HECW1: variants seen among roughly 807,000 people sequenced by gnomAD.
HECW1 encodes HECT, C2 and WW domain containing E3 ubiquitin protein ligase 1.
In HECW1, 61 loss-of-function variants were observed where a neutral mutation model predicts 182.3. The ratio of observed to expected loss-of-function variants is 0.33; its 90% CI spans 0.27 to 0.41. The LOEUF is 0.41. Among genes scored for constraint, HECW1 ranks in the 10% least tolerant of loss-of-function variants. HECW1 has a pLI of 1.00. For missense variants in HECW1, 1,739 were observed against 2,108.9 expected, an observed-to-expected ratio of 0.82 and a Z score of 3.44; for synonymous variants, 859 against 832.6, an observed-to-expected ratio of 1.03 and a Z score of -0.55.
chr7:43,117,477 G>A (rs1043217536), intron 2 of HECW1, among the ~76,000 whole-genome samples: 1 of 143,346 alleles, frequency 7.0e-6, no homozygotes, highest in Non-Finnish European at 1.5e-5. Context: ...TCCTTACTCA[G>A]CTCAATCTTT....
Position 43,507,125 on chromosome 7 carries a change from TTC to T in HECW1, c.3632-6_3632-5del. The T allele has an allele frequency of 6.2e-7, 1 of 1,612,216 alleles. No homozygotes were observed. The highest frequency in any genetic ancestry group is 1.3e-5 in the African/African-American group (1 of 74,886). On this transcript the variant is annotated splice_polypyrimidine_tract_variant and intron_variant, in intron 21 of 29. Coordinates refer to ENST00000395891, the MANE Select transcript of HECW1 (RefSeq NM_015052.5). ...AAAGAAAGTGATGACCTCTGTGTGC[TTC>T]TCTCTGCAGGTTTACAGAGAGCCAG...
chr7:43,320,533 AG>A, intron 4 of HECW1, 101 bp from the exon 5 acceptor site: 1 of 785,090 alleles, frequency 1.3e-6, no homozygotes, highest in Non-Finnish European at 2.1e-6. Flanking sequence ...TCTTCTGTTG[AG>A]ATGGAAGCAG....
intron 21 of HECW1, among the ~76,000 whole-genome samples, chr7:43,505,691 A>T (rs920646002): frequency 1.3e-5 from 2 of 152,106 alleles, no homozygotes; most frequent in Non-Finnish European, 2.9e-5. Flanking sequence ...CTCCCAGCTC[A>T]TCTCCTCTCT....
Position 43,207,530 on chromosome 7 carries a change from G to C in HECW1, c.-31-36345G>C, listed in dbSNP as rs1795595874. Among the ~76,000 whole-genome samples the C allele has an allele frequency of 2.6e-5, 4 of 152,064 alleles. No homozygotes were observed. In the South Asian group the frequency reaches 8.3e-4, roughly 32 times the overall value. On this transcript the variant is annotated intron_variant, in intron 2 of 29. Coordinates refer to ENST00000395891, the MANE Select transcript of HECW1 (RefSeq NM_015052.5). ...ATTTGAAACTATATAATATATTACTGTTAATTGTAGTCATCTTACCATGCT... is the reference window on the plus strand; with the variant it reads ...ATTTGAAACTATATAATATATTACTCTTAATTGTAGTCATCTTACCATGCT...
At chr7:43,183,346 C>G (rs908580075) in intron 2 of HECW1, among the ~76,000 whole-genome samples, 1 of 152,144 alleles carries the variant, frequency 6.6e-6, no homozygotes, top group African/African-American at 2.4e-5. Flanking sequence ...CTCCCTTATT[C>G]CTAGTTTTCC....
At chr7:43,501,080 C>A (rs1488366227) in intron 20 of HECW1, 133 bp from the exon 21 acceptor site, 2 of 616,242 alleles carry the variant, frequency 3.2e-6, no homozygotes, top group East Asian at 5.5e-5. Context: ...TTCTGTACTA[C>A]ATTTAAATCT....
chr7:43,474,397 C>T (rs1261857827), intron 16 of HECW1, among the ~76,000 whole-genome samples: 2 of 151,950 alleles, frequency 1.3e-5, no homozygotes, highest in Admixed American at 6.6e-5. Context: ...TGCAGTGAGC[C>T]GAGATGGCGC....
At chr7:43,114,885 G>A (rs1415102880) in intron 2 of HECW1, among the ~76,000 whole-genome samples, 2 of 152,172 alleles carry the variant, frequency 1.3e-5, no homozygotes, top group Non-Finnish European at 2.9e-5. Context: ...TGTGTATATA[G>A]CATCATTTGA....
chr7:43,248,695 TTTCCTCCTCCTCC>T (rs1799692735), intron 3 of HECW1: 1 of 46,666 alleles, frequency 2.1e-5, no homozygotes, highest in African/African-American at 7.1e-5. Flanking sequence ...TCCTCCTCCT[TTTCCTCCTCCTCC>T]TCCTCCTCCT....
rs138483563 is a variant in HECW1, at chr7:43,365,251, G to A, written c.555+4271G>A. Among the ~76,000 whole-genome samples the A allele has an allele frequency of 5.0e-3, 758 of 152,306 alleles. 4 individuals carry two copies. Among genetic ancestry groups the A allele is most frequent in the Non-Finnish European group, 7.2e-3 (491 of 68,032 alleles). ...GGTAAGTGAGAGTCTTTCAAGTCCC[G>A]AGCATACTGCTCCCACACCTGGTTT... On this transcript the variant is annotated intron_variant, in intron 6 of 29. Transcript: ENST00000395891.
At chr7:43,249,272 C>T (rs1256897214) in intron 3 of HECW1, 1 of 152,522 alleles carries the variant, frequency 6.6e-6, no homozygotes, top group Non-Finnish European at 1.5e-5. Context: ...CGCTCACAGC[C>T]TGTCCCAGTA....
intron 2 of HECW1, among the ~76,000 whole-genome samples, chr7:43,122,713 AT>A (rs530563193): frequency 5.6e-4 from 86 of 152,374 alleles, no homozygotes; most frequent in African/African-American, 2.0e-3. Context: ...AAGGAAAAAA[AT>A]ATCACTATAT....
intron 11 of HECW1, among the ~76,000 whole-genome samples, chr7:43,448,182 G>A (rs1265045323): frequency 6.6e-6 from 1 of 152,096 alleles, no homozygotes; most frequent in East Asian, 1.9e-4. Flanking sequence ...ATTAACCCAG[G>A]TGGATTTGTT....
chr7:43,375,204 G>C (rs1024305907), intron 6 of HECW1, among the ~76,000 whole-genome samples: 2 of 152,124 alleles, frequency 1.3e-5, no homozygotes, highest in Non-Finnish European at 2.9e-5. Context: ...AGGAGAAACT[G>C]TCGGACGCCT....
At chr7:43,331,119 A>G (rs536386744) in intron 5 of HECW1, among the ~76,000 whole-genome samples, 2 of 151,904 alleles carry the variant, frequency 1.3e-5, no homozygotes, top group South Asian at 2.1e-4. Context: ...ATATCTCCTG[A>G]TGCTATCCCT....
chr7:43,423,896 C>A (rs899860598), intron 8 of HECW1, among the ~76,000 whole-genome samples: 4 of 152,180 alleles, frequency 2.6e-5, no homozygotes. Flanking sequence ...AAAGGTGGGG[C>A]TAGAGTCTGA....
chr7:43,157,066 A>G (rs749549352), intron 2 of HECW1, among the ~76,000 whole-genome samples: 1 of 152,238 alleles, frequency 6.6e-6, no homozygotes, highest in Non-Finnish European at 1.5e-5. Context: ...TGTGCTAGGC[A>G]TAGTGGAAGT....
intron 3 of HECW1, among the ~76,000 whole-genome samples, chr7:43,244,954 C>T (rs1799237539): frequency 6.6e-6 from 1 of 152,204 alleles, no homozygotes; most frequent in African/African-American, 2.4e-5. Flanking sequence ...GATGAGGCCA[C>T]GCTCACATGC....
In HECW1 at chr7:43,127,946, A is replaced by G. The variant is rs887313941; in HGVS notation, c.-32+13555A>G. Among the ~76,000 whole-genome samples, 13 of 151,844 alleles carry G rather than the reference A, an allele frequency of 8.6e-5. 1 individual carries two copies. Among genetic ancestry groups the G allele is most frequent in the African/African-American group, 3.1e-4 (13 of 41,316 alleles). On this transcript the variant is annotated intron_variant, in intron 2 of 29. Transcript: ENST00000395891. Reference sequence around the variant, plus strand: ...CAGACTGGCATGTAGTAGCATGATCACAGCTCACTGCAACCTCGGCTTCCT... The same window carrying G: ...CAGACTGGCATGTAGTAGCATGATCGCAGCTCACTGCAACCTCGGCTTCCT...
Sources: allele counts gnomAD v4.1 joint callset (sites outside exome capture counted in the v4.1 genomes callset), GRCh38; gene constraint gnomAD v4.1.1; transcripts MANE v1.5; gene names NCBI Gene and HGNC (gene_info 2026-07-23, HGNC 2026-07-21).